KAT6B: variants seen among roughly 807,000 people sequenced by gnomAD.
The protein encoded by KAT6B is lysine acetyltransferase 6B.
A neutral mutation model predicts 187.5 loss-of-function variants in KAT6B; 10 were observed. The observed-to-expected ratio is 0.05, with a 90% CI of 0.03 to 0.09. The LOEUF (loss-of-function observed/expected upper bound fraction) is 0.09, where lower values mean the gene tolerates loss of function less well. KAT6B is among the 10% of genes least tolerant of loss of function. KAT6B has a pLI of 1.00. For missense variants in KAT6B, 1,952 were observed against 2,558.9 expected (o/e 0.76, Z 5.12); for synonymous variants, 861 against 926.8 (o/e 0.93, Z 1.29).
chr10:74,926,760 GGC>G (rs1243966035), intron 3 of KAT6B, among the ~76,000 whole-genome samples: 23 of 152,192 alleles, frequency 1.5e-4, no homozygotes, highest in African/African-American at 5.3e-4. Context: ...TTCACGTGGA[GGC>G]ATGGGACAGA....
chr10:75,015,683 C>A (rs1042180223), intron 13 of KAT6B, among the ~76,000 whole-genome samples: 1 of 152,190 alleles, frequency 6.6e-6, no homozygotes, highest in East Asian at 1.9e-4. Context: ...GGCTTGCAAA[C>A]CCAGTGCCGT....
chr10:74,905,810 T>A (rs1846719183), intron 3 of KAT6B, among the ~76,000 whole-genome samples: 1 of 152,158 alleles, frequency 6.6e-6, no homozygotes, highest in Non-Finnish European at 1.5e-5. Context: ...TTACTATTTT[T>A]AAATTCCCTA....
chr10:75,012,684 T>C (rs1299425536), intron 13 of KAT6B, among the ~76,000 whole-genome samples: 2 of 152,196 alleles, frequency 1.3e-5, no homozygotes, highest in South Asian at 2.1e-4. Context: ...GTTCATTTTC[T>C]TTCTGAGCAC....
chr10:74,857,417 C>T (rs1564524930), intron 3 of KAT6B, among the ~76,000 whole-genome samples: 1 of 152,194 alleles, frequency 6.6e-6, no homozygotes, highest in African/African-American at 2.4e-5. Flanking sequence ...ACTGTTCTTT[C>T]ACAGTCACAT....
chr10:75,005,874 G>A (rs1433758936), intron 13 of KAT6B, among the ~76,000 whole-genome samples: 1 of 152,098 alleles, frequency 6.6e-6, no homozygotes, highest in Non-Finnish European at 1.5e-5. Flanking sequence ...TGTTTCTAAA[G>A]TGTATAAAAA....
chr10:74,870,427 C>G (rs572538032), intron 3 of KAT6B, among the ~76,000 whole-genome samples: 1 of 152,182 alleles, frequency 6.6e-6, no homozygotes, highest in African/African-American at 2.4e-5. Context: ...TTGGGCTGTT[C>G]CACATCTTAA....
intron 3 of KAT6B, among the ~76,000 whole-genome samples, chr10:74,878,619 C>CAAAAAA (rs11365400): frequency 1.4e-5 from 1 of 71,976 alleles, no homozygotes. Flanking sequence ...GACTCCATCT[C>CAAAAAA]AAAAAAAAAA....
chr10:75,013,552 T>C (rs1844763324), intron 13 of KAT6B, among the ~76,000 whole-genome samples: 1 of 152,192 alleles, frequency 6.6e-6, no homozygotes, highest in Non-Finnish European at 1.5e-5. Context: ...AGTCTGTCTC[T>C]GTTGTTTCCC....
chr10:75,022,225 G>T lies in KAT6B; in HGVS notation c.3366G>T (p.Lys1122Asn). Residue 1122 changes from lysine to asparagine, a missense_variant, in exon 16 of 18, where the codon AAG (lysine) becomes AAT (asparagine). Lys to Asn is a moderately conservative substitution (Grantham distance 94). This residue lies in a region of KAT6B where 758 missense variants were observed against 891.4 expected (regional missense o/e 0.85). Transcript: ENST00000287239. ...CGAAACCACAGTCAGTTGCCATAAA[G>T]AGAAAGGTAGGTGTCTGTTTAGATT... is the stretch of plus-strand genomic sequence containing the variant. ...RLTKPQSVAI[K>N]RKRPFVLKKK... is the part of the protein sequence containing the mutation. 6.2e-7 allele frequency: 1 copy of T among 1,613,130 alleles called. No individual in the cohort carries two copies. Among genetic ancestry groups the T allele is most frequent in the Non-Finnish European group, 8.5e-7 (1 of 1,180,020 alleles).
chr10:75,017,459 C>T (rs1845062141), intron 13 of KAT6B, among the ~76,000 whole-genome samples: 1 of 152,014 alleles, frequency 6.6e-6, no homozygotes, highest in Non-Finnish European at 1.5e-5. Flanking sequence ...ACTAAAAATG[C>T]AAATCTTAGC....
chr10:74,975,305 C>G, intron 7 of KAT6B, 94 bp from the exon 8 acceptor site: 1 of 972,444 alleles, frequency 1.0e-6, no homozygotes, highest in South Asian at 1.4e-5. Flanking sequence ...AGTTTAAGCC[C>G]ATTGAATGCA....
In KAT6B at chr10:75,029,851, C is replaced by T. The variant is rs778578648; in HGVS notation, c.5027C>T (p.Thr1676Ile). The change falls in exon 18 of 18, where the codon ACA (threonine) becomes ATA (isoleucine). Residue 1676 changes from threonine to isoleucine, a missense_variant. Physicochemically the swap from Thr to Ile is moderately conservative, Grantham distance 89 (BLOSUM62 -1). Coordinates refer to ENST00000287239, the MANE Select transcript of KAT6B (RefSeq NM_012330.4). The surrounding 1 kb of genome is among the most constrained non-coding windows in gnomAD (Gnocchi z 6.2). ...AGTGACCTGGGCAGTATCGAGAGCACAACTGAGAACTACGAAAACCCAAGC... is the reference window on the plus strand; with the variant it reads ...AGTGACCTGGGCAGTATCGAGAGCATAACTGAGAACTACGAAAACCCAAGC... ...GFSDLGSIES[T>I]TENYENPSSY... The T allele has an allele frequency of 2.5e-6, 4 of 1,614,082 alleles. No individual in the cohort carries two copies. The highest frequency in any genetic ancestry group is 3.4e-6 in the Non-Finnish European group (4 of 1,180,046).
intron 3 of KAT6B, among the ~76,000 whole-genome samples, chr10:74,952,333 T>A (rs1840373324): frequency 6.6e-6 from 1 of 151,382 alleles, no homozygotes; most frequent in African/African-American, 2.4e-5. Context: ...CCATCCTGGG[T>A]GACAAAGTGA....
chr10:74,959,150 A>G (rs1231142648), intron 3 of KAT6B, among the ~76,000 whole-genome samples: 1 of 152,164 alleles, frequency 6.6e-6, no homozygotes, highest in African/African-American at 2.4e-5. Flanking sequence ...TTCGTGGCAC[A>G]AAAGCCTTGT....
chr10:74,829,303 T>C (rs1840550387), intron 1 of KAT6B, among the ~76,000 whole-genome samples: 1 of 152,252 alleles, frequency 6.6e-6, no homozygotes, highest in African/African-American at 2.4e-5. Flanking sequence ...ATAATTTTAA[T>C]GTGCTTCATA....
chr10:74,982,354 C>CTA, intron 11 of KAT6B: 2 of 208,774 alleles, frequency 9.6e-6, no homozygotes, highest in Non-Finnish European at 9.8e-6. Context: ...GTGTTTCCAT[C>CTA]CACTTCTTGG....
intron 3 of KAT6B, among the ~76,000 whole-genome samples, chr10:74,934,701 G>A (rs1320613061): frequency 1.3e-5 from 2 of 152,122 alleles, no homozygotes; most frequent in East Asian, 1.9e-4. Context: ...AAGAGCTATC[G>A]TTTTCTTAGA....
At chr10:74,875,422 A>G (rs746785963) in intron 3 of KAT6B, among the ~76,000 whole-genome samples, 2 of 152,074 alleles carry the variant, frequency 1.3e-5, no homozygotes, top group Non-Finnish European at 2.9e-5. Flanking sequence ...ATTAAATGGT[A>G]ATGTTAAGTG....
At chr10:75,016,479 A>G (rs1019547195) in intron 13 of KAT6B, among the ~76,000 whole-genome samples, 1 of 152,244 alleles carries the variant, frequency 6.6e-6, no homozygotes, top group Non-Finnish European at 1.5e-5. Context: ...CTTCCAGTAA[A>G]GCAAAAGAGG....
Sources: gnomAD v4.1 joint callset for allele counts (sites outside exome capture counted in the v4.1 genomes callset) on GRCh38, gnomAD v4.1.1 for gene constraint, gnomAD v4.1.1 regional missense constraint, Gnocchi (gnomAD v3.1) non-coding constraint, MANE v1.5 for transcripts, NCBI Gene and HGNC (gene_info 2026-07-23, HGNC 2026-07-21) for gene names.